MED13L: variants seen among roughly 807,000 people sequenced by gnomAD.
MED13L encodes mediator complex subunit 13L.
Under a neutral mutation model 220.9 loss-of-function variants are expected in MED13L, and 7 were observed. The ratio of observed to expected loss-of-function variants is 0.03; its 90% CI spans 0.02 to 0.06. The LOEUF (loss-of-function observed/expected upper bound fraction) is 0.06. Ranked by LOEUF, MED13L falls within the 10% of genes least tolerant of loss-of-function variation. The pLI is 1.00. For missense variants in MED13L, 1,965 were observed against 2,760.5 expected, an observed-to-expected ratio of 0.71 and a Z score of 6.46; for synonymous variants, 1,011 against 1,015.2, an observed-to-expected ratio of 1.00 and a Z score of 0.08.
Position 116,005,793 on chromosome 12 carries a change from A to C in MED13L, c.2469+76T>G. 5.1e-6 allele frequency: 8 copies of C among 1,574,930 alleles called. No individual in the cohort carries two copies. In the South Asian group the frequency reaches 8.9e-5, roughly 18 times the overall value. ...CCCCAAATTCAGGACACCAAACTAT[A>C]AAGAAATACTACAACACTGATATAA... On this transcript the variant is annotated intron_variant, in intron 13 of 30. Transcript: ENST00000281928.
chr12:116,091,057 A>G (rs962195560), intron 4 of MED13L, among the ~76,000 whole-genome samples: 2 of 147,544 alleles, frequency 1.4e-5, no homozygotes, highest in Non-Finnish European at 3.0e-5. Context: ...CCTGGAGGAC[A>G]TTGCAGTGAG....
At chr12:116,225,324 T>C (rs1868869265) in intron 2 of MED13L, among the ~76,000 whole-genome samples, 1 of 152,188 alleles carries the variant, frequency 6.6e-6, no homozygotes, top group South Asian at 2.1e-4. Context: ...GGGCTCCAAC[T>C]GAGTTCTAGT....
intron 2 of MED13L, among the ~76,000 whole-genome samples, chr12:116,149,373 T>TC (rs935326397): frequency 2.6e-5 from 4 of 152,342 alleles, no homozygotes; most frequent in Admixed American, 6.5e-5. Context: ...TTAAATATAT[T>TC]CCCCCAACAA....
Position 115,961,371 on chromosome 12 carries a change from C to A in MED13L, c.6528G>T (p.Leu2176=). 1 of 1,613,898 alleles carries A rather than the reference C, an allele frequency of 6.2e-7. No individual in the cohort carries two copies. The highest frequency in any genetic ancestry group is 8.5e-7 in the Non-Finnish European group (1 of 1,179,952). ...LRFVLEQYNA[L]SWLTCNPATQ... ...TGGCCGGATTGCACGTGAGCCAGGA[C>A]AGAGCGTTGTACTGCTCCAAAACAA... Residue 2176 remains leucine, a synonymous_variant, in exon 31 of 31, where the codon CTG becomes CTT. Coordinates refer to ENST00000281928, the MANE Select transcript of MED13L (RefSeq NM_015335.5).
At chr12:116,222,417 G>A (rs1464402957) in intron 2 of MED13L, among the ~76,000 whole-genome samples, 4 of 152,112 alleles carry the variant, frequency 2.6e-5, no homozygotes, top group South Asian at 2.1e-4. Context: ...ATTTCTTCCC[G>A]GCCTCTGTTC....
intron 4 of MED13L, among the ~76,000 whole-genome samples, chr12:116,062,008 GAA>G (rs71095507): frequency 0.044 from 4,234 of 96,602 alleles, 95 homozygotes; most frequent in Middle Eastern, 0.079. Context: ...ACTCCACATC[GAA>G]AAAAAAAAAA....
chr12:116,205,418 T>G (rs968408774), intron 2 of MED13L, among the ~76,000 whole-genome samples: 10 of 150,462 alleles, frequency 6.6e-5, no homozygotes, highest in African/African-American at 2.4e-4. Flanking sequence ...AGACATAAGT[T>G]CTTATTAGAA....
At chr12:116,270,765 G>C (rs900729814) in intron 1 of MED13L, among the ~76,000 whole-genome samples, 23 of 151,846 alleles carry the variant, frequency 1.5e-4, no homozygotes, top group Admixed American at 1.4e-3. Flanking sequence ...ATTATCAGCC[G>C]GGCGCGGTGG....
intron 4 of MED13L, among the ~76,000 whole-genome samples, chr12:116,046,104 C>T (rs1881816040): frequency 6.6e-6 from 1 of 152,080 alleles, no homozygotes; most frequent in Non-Finnish European, 1.5e-5. Context: ...TACTCTTTAA[C>T]ATACCATGTC....
chr12:116,105,362 G>T (rs576418451), intron 3 of MED13L, among the ~76,000 whole-genome samples: 3 of 152,142 alleles, frequency 2.0e-5, no homozygotes, highest in Non-Finnish European at 4.4e-5. Flanking sequence ...CTCTACATAA[G>T]TAAAAACTAC....
intron 2 of MED13L, among the ~76,000 whole-genome samples, chr12:116,226,401 T>C (rs1401478097): frequency 6.6e-6 from 1 of 152,206 alleles, no homozygotes; most frequent in African/African-American, 2.4e-5. Context: ...TGTGGCCCTG[T>C]ACTTGTGCAA....
intron 4 of MED13L, among the ~76,000 whole-genome samples, chr12:116,065,142 A>C (rs977246884): frequency 6.6e-6 from 1 of 152,170 alleles, no homozygotes; most frequent in African/African-American, 2.4e-5. Context: ...CTCTTACTTG[A>C]TCTGCAATGC....
chr12:116,194,002 T>C (rs1231884144), intron 2 of MED13L, among the ~76,000 whole-genome samples: 1 of 152,188 alleles, frequency 6.6e-6, no homozygotes, highest in African/African-American at 2.4e-5. Context: ...CTTTCAGCAA[T>C]TTACAAAACT....
intron 2 of MED13L, among the ~76,000 whole-genome samples, chr12:116,234,002 A>T (rs1869829617): frequency 6.6e-6 from 1 of 152,172 alleles, no homozygotes; most frequent in East Asian, 1.9e-4. Context: ...ATTTTATGGG[A>T]TACTTTATAC....
intron 1 of MED13L, among the ~76,000 whole-genome samples, chr12:116,273,678 G>C (rs1399095615): frequency 6.6e-6 from 1 of 152,166 alleles, no homozygotes; most frequent in Non-Finnish European, 1.5e-5. Context: ...GCAAGAATTT[G>C]AGATTATCAC....
intron 1 of MED13L, chr12:116,276,719 A>T: frequency 1.0e-6 from 1 of 971,594 alleles, no homozygotes; most frequent in Non-Finnish European, 1.3e-6. Context: ...ACGGGGGGAA[A>T]AAAAGGGGGG....
Position 116,006,417 on chromosome 12 carries a change from T to A in MED13L, c.2239-6A>T. ...GTACCAAATCCATCCTCTGACTGTA[T>A]AATAAATTCAGCCAAACAAAACACA... is the stretch of plus-strand genomic sequence containing the variant. On this transcript the variant is annotated splice_polypyrimidine_tract_variant and splice_region_variant and intron_variant, in intron 11 of 30. Transcript: ENST00000281928. 1 of 1,612,218 alleles carries A rather than the reference T, an allele frequency of 6.2e-7. No individual in the cohort carries two copies. The highest frequency in any genetic ancestry group is 8.5e-7 in the Non-Finnish European group (1 of 1,178,364).
At chr12:116,229,897 G>GA (rs1426442395) in intron 2 of MED13L, among the ~76,000 whole-genome samples, 2 of 151,894 alleles carry the variant, frequency 1.3e-5, no homozygotes, top group African/African-American at 2.4e-5. Flanking sequence ...AAATAAAACA[G>GA]AAAAACAGAA....
chr12:116,160,871 A>T (rs1373733970), intron 2 of MED13L, among the ~76,000 whole-genome samples: 1 of 151,754 alleles, frequency 6.6e-6, no homozygotes, highest in Non-Finnish European at 1.5e-5. Flanking sequence ...CCTGGCCTGC[A>T]AACTTTATAA....
Sources: gnomAD v4.1 joint callset for allele counts (sites outside exome capture counted in the v4.1 genomes callset) on GRCh38, gnomAD v4.1.1 for gene constraint, MANE v1.5 for transcripts, NCBI Gene and HGNC (gene_info 2026-07-23, HGNC 2026-07-21) for gene names.